LDLRAP1: variants seen among roughly 807,000 people sequenced by gnomAD.
LDLRAP1 encodes low density lipoprotein receptor adaptor protein 1, also known as low density lipoprotein receptor adapter protein 1.
LDLRAP1 carries 30 observed loss-of-function variants against 37.8 expected under a neutral mutation model. The ratio of observed to expected loss-of-function variants is 0.79; its 90% CI spans 0.59 to 1.08. The LOEUF (loss-of-function observed/expected upper bound fraction) is 1.08, where lower values mean the gene tolerates loss of function less well. LDLRAP1 is among the 50% of genes least tolerant of loss of function. The pLI, the probability that LDLRAP1 is intolerant of heterozygous loss-of-function variation, is 0.00. For missense variants in LDLRAP1, 375 were observed against 401.6 expected, an observed-to-expected ratio of 0.93 and a Z score of 0.57; for synonymous variants, 156 against 169.8, an observed-to-expected ratio of 0.92 and a Z score of 0.63.
intron 4 of LDLRAP1, 56 bp from the exon 5 acceptor site, chr1:25,562,588 C>T: frequency 6.7e-7 from 1 of 1,483,270 alleles, no homozygotes; most frequent in African/African-American, 1.4e-5. Flanking sequence ...CCAGTGCAGA[C>T]TTGCTCTGCC....
rs375092296 is a variant in LDLRAP1 at position 25,563,652 on chromosome 1, C to G, written c.617-9C>G. 5.6e-6 allele frequency: 9 copies of G among 1,613,204 alleles called. No homozygotes were observed. In the African/African-American group the frequency reaches 1.1e-4, roughly 19 times the overall value. On this transcript the variant is annotated splice_polypyrimidine_tract_variant and intron_variant, in intron 6 of 8. Transcript: ENST00000374338. Reference sequence around the variant, plus strand: ...TCTCCCACTGACAACCTGACCGGATCCCTCACAGTGGTCGCCACTGGGAAC... The same window carrying G: ...TCTCCCACTGACAACCTGACCGGATGCCTCACAGTGGTCGCCACTGGGAAC...
intron 8 of LDLRAP1, 58 bp downstream of exon 8, chr1:25,565,265 G>C (rs1038009522): frequency 6.3e-7 from 1 of 1,589,774 alleles, no homozygotes; most frequent in African/African-American, 1.3e-5. Context: ...TGGCCCTGCT[G>C]CCCTTTCTCC....
the LDLRAP1 span, among the ~76,000 whole-genome samples, chr1:25,574,973 C>T: frequency 6.6e-6 from 1 of 152,272 alleles, no homozygotes; most frequent in African/African-American, 2.4e-5. Context: ...CAGACAGCAC[C>T]CAGGACCCAG....
At chr1:25,561,019 T>G (rs2044329996) in intron 4 of LDLRAP1, among the ~76,000 whole-genome samples, 1 of 152,250 alleles carries the variant, frequency 6.6e-6, no homozygotes, top group Admixed American at 6.5e-5. Context: ...GGCAAAAAGG[T>G]AGGAATGTAT....
the LDLRAP1 span, among the ~76,000 whole-genome samples, chr1:25,575,003 T>C: frequency 1.3e-5 from 2 of 152,194 alleles, no homozygotes; most frequent in Non-Finnish European, 2.9e-5. Context: ...CCTGTGCTTC[T>C]TGGATACTTG....
the LDLRAP1 span, among the ~76,000 whole-genome samples, chr1:25,589,956 A>G: frequency 7.2e-5 from 11 of 152,222 alleles, no homozygotes; most frequent in Admixed American, 2.0e-4. Context: ...CAAAAAAATT[A>G]GCTGGGCATG....
the LDLRAP1 span, among the ~76,000 whole-genome samples, chr1:25,585,307 C>T: frequency 0.05 from 7,514 of 151,530 alleles, 615 homozygotes; most frequent in African/African-American, 0.17. Flanking sequence ...GTGGGGAAGC[C>T]GGGTTTTTTG....
At position 25,563,160 on chromosome 1, in the gene LDLRAP1, C is replaced by T. The variant is rs1425340398; in HGVS notation, c.616+7C>T. 6.2e-7 allele frequency: 1 copy of T among 1,613,332 alleles called. No individual in the cohort carries two copies. Among genetic ancestry groups the T allele is most frequent in the Non-Finnish European group, 8.5e-7 (1 of 1,179,306 alleles). On this transcript the variant is annotated splice_region_variant and intron_variant, in intron 6 of 8. Coordinates refer to ENST00000374338, the MANE Select transcript of LDLRAP1 (RefSeq NM_015627.3). ...ACCCCCTCCTTGAAGAGCTGTGAGT[C>T]CTGACGGGGAAGGGGGATTGGCCAT... is the stretch of plus-strand genomic sequence containing the variant.
At chr1:25,563,989 C>A in intron 7 of LDLRAP1, 198 bp downstream of exon 7, 1 of 684,454 alleles carries the variant, frequency 1.5e-6, no homozygotes, top group South Asian at 1.7e-5. Flanking sequence ...CCCCAACAGG[C>A]TTGGCTCCCA....
chr1:25,559,236 G>A (rs550195071), intron 4 of LDLRAP1, among the ~76,000 whole-genome samples: 3 of 152,192 alleles, frequency 2.0e-5, no homozygotes, highest in Non-Finnish European at 2.9e-5. Context: ...CTTCCTGCCC[G>A]CTGACCAGGG....
At chr1:25,572,863 T>G (rs1044177615), downstream of LDLRAP1, among the ~76,000 whole-genome samples, 3 of 152,148 alleles carry the variant, frequency 2.0e-5, no homozygotes, top group African/African-American at 4.8e-5. Context: ...ACTGTCCCCC[T>G]CAAGGACGCT....
intron 1 of LDLRAP1, among the ~76,000 whole-genome samples, chr1:25,548,168 TTC>T (rs1410254989): frequency 4.6e-5 from 7 of 152,168 alleles, no homozygotes; most frequent in Non-Finnish European, 1.0e-4. Flanking sequence ...TCCTGGACTC[TTC>T]TCTCAATATG....
chr1:25,545,176 C>T (rs901976805), intron 1 of LDLRAP1, among the ~76,000 whole-genome samples: 1 of 152,198 alleles, frequency 6.6e-6, no homozygotes, highest in Non-Finnish European at 1.5e-5. Flanking sequence ...TCTGAGATGG[C>T]CATCTGTTCC....
intron 1 of LDLRAP1, among the ~76,000 whole-genome samples, chr1:25,549,002 G>A (rs1323049649): frequency 6.6e-6 from 1 of 152,202 alleles, no homozygotes; most frequent in African/African-American, 2.4e-5. Context: ...GAGGTTCAGT[G>A]ACTATGAACT....
the LDLRAP1 span, among the ~76,000 whole-genome samples, chr1:25,579,480 G>A: frequency 2.0e-5 from 3 of 152,226 alleles, no homozygotes; most frequent in Non-Finnish European, 4.4e-5. Flanking sequence ...GATGCTAAGG[G>A]TCAGATTTTA....
At chr1:25,551,980 C>G (rs759047541) in intron 1 of LDLRAP1, among the ~76,000 whole-genome samples, 8 of 152,320 alleles carry the variant, frequency 5.3e-5, no homozygotes, top group Non-Finnish European at 8.8e-5. Flanking sequence ...TCCTGTATAA[C>G]CCTCCCCAGC....
intron 1 of LDLRAP1, chr1:25,553,403 T>C (rs34514236): frequency 0.067 from 10,624 of 157,724 alleles, 844 homozygotes; most frequent in African/African-American, 0.19. Context: ...CTTGGTTATG[T>C]GATTGAGCCT....
At chr1:25,582,321 T>C in the LDLRAP1 span, among the ~76,000 whole-genome samples, 1 of 152,224 alleles carries the variant, frequency 6.6e-6, no homozygotes, top group South Asian at 2.1e-4. Context: ...GCGTGGTGGC[T>C]CACGCCTGTA....
chr1:25,585,013 G>A, the LDLRAP1 span, among the ~76,000 whole-genome samples: 1 of 152,202 alleles, frequency 6.6e-6, no homozygotes, highest in Non-Finnish European at 1.5e-5. Context: ...CAGGTCAAAA[G>A]AATGGCATGT....
Sources: gnomAD v4.1 joint callset for allele counts (sites outside exome capture counted in the v4.1 genomes callset) on GRCh38, gnomAD v4.1.1 for gene constraint, MANE v1.5 for transcripts, NCBI Gene and HGNC (gene_info 2026-07-23, HGNC 2026-07-21) for gene names.